The following CACNG3 variants were observed in gnomAD, a reference collection of about 807,000 sequenced individuals.
CACNG3 encodes the protein voltage-dependent calcium channel gamma-3 subunit.
A neutral mutation model predicts 28.5 loss-of-function variants in CACNG3; 3 were observed. The observed-to-expected ratio is 0.11, with a 90% CI of 0.05 to 0.27. The LOEUF (loss-of-function observed/expected upper bound fraction) is 0.27. Ranked by LOEUF, CACNG3 falls within the 10% of genes least tolerant of loss-of-function variation. The pLI, the probability that CACNG3 is intolerant of heterozygous loss-of-function variation, is 1.00. For missense variants in CACNG3, 236 were observed against 414.4 expected (o/e 0.57, Z 3.74); for synonymous variants, 174 against 162.2 (o/e 1.07, Z -0.55).
At chr16:24,309,952 A>G (rs547157312) in intron 1 of CACNG3, among the ~76,000 whole-genome samples, 1 of 152,260 alleles carries the variant, frequency 6.6e-6, no homozygotes, top group East Asian at 1.9e-4. Context: ...TTTAAATAGG[A>G]CAAAAAGCCA....
At chr16:24,317,680 GA>G (rs1899396687) in intron 1 of CACNG3, among the ~76,000 whole-genome samples, 2 of 102,256 alleles carry the variant, frequency 2.0e-5, no homozygotes, top group African/African-American at 8.6e-5. Flanking sequence ...AAGAAAGAAA[GA>G]AAGAAAGAAA....
intron 2 of CACNG3, among the ~76,000 whole-genome samples, chr16:24,353,268 C>T (rs1270078188): frequency 2.6e-5 from 4 of 152,246 alleles, no homozygotes; most frequent in Non-Finnish European, 5.9e-5. Flanking sequence ...AGCCACCATG[C>T]CTGGCTAGGC....
At chr16:24,282,838 C>A (rs1402661038) in intron 1 of CACNG3, among the ~76,000 whole-genome samples, 1 of 152,106 alleles carries the variant, frequency 6.6e-6, no homozygotes, top group East Asian at 1.9e-4. Context: ...TCTACACACT[C>A]TCTTTTGAAT....
At chr16:24,309,588 G>A (rs1000057010) in intron 1 of CACNG3, among the ~76,000 whole-genome samples, 7 of 152,222 alleles carry the variant, frequency 4.6e-5, no homozygotes, top group Admixed American at 1.3e-4. Flanking sequence ...GTACTTTCAT[G>A]CAGGGGTGCC....
chr16:24,300,898 A>C (rs1899100291), intron 1 of CACNG3, among the ~76,000 whole-genome samples: 1 of 152,024 alleles, frequency 6.6e-6, no homozygotes, highest in Admixed American at 6.6e-5. Flanking sequence ...AAAATACAAA[A>C]ATTAGCCGGA....
intron 1 of CACNG3, among the ~76,000 whole-genome samples, chr16:24,337,679 TA>T (rs1899730406): frequency 1.3e-5 from 2 of 151,278 alleles, no homozygotes; most frequent in African/African-American, 4.8e-5. Context: ...TAATAATTTT[TA>T]AATTAAAAAA....
chr16:24,257,663 T>C lies in CACNG3; in HGVS notation c.211+698T>C, dbSNP rs146659645. Among the ~76,000 whole-genome samples, 15 of 152,304 alleles carry C rather than the reference T, an allele frequency of 9.8e-5. No homozygotes were observed. The East Asian group carries it at 1.7e-3, about 18-fold the overall frequency. On this transcript the variant is annotated intron_variant, in intron 1 of 3. Transcript: ENST00000005284. ...GATCACAACAAAACTGAAGTCTTGG[T>C]ATTTTGTATCCACCTGTCTTCATTC... is the stretch of plus-strand genomic sequence containing the variant.
intron 1 of CACNG3, among the ~76,000 whole-genome samples, chr16:24,302,478 G>A (rs1185871858): frequency 6.6e-6 from 1 of 151,800 alleles, no homozygotes; most frequent in Admixed American, 6.6e-5. Context: ...TTTTTGAGAT[G>A]GAGTCTTGCT....
intron 1 of CACNG3, among the ~76,000 whole-genome samples, chr16:24,262,769 G>A (rs1332548646): frequency 1.9e-4 from 29 of 152,114 alleles, no homozygotes; most frequent in Admixed American, 1.9e-3. Flanking sequence ...ACCTGACTGT[G>A]GGATTCCACC....
At chr16:24,260,965 A>G (rs1898529026) in intron 1 of CACNG3, among the ~76,000 whole-genome samples, 1 of 152,246 alleles carries the variant, frequency 6.6e-6, no homozygotes, top group African/African-American at 2.4e-5. Flanking sequence ...AGTCCTGGAG[A>G]CAATCAAAGC....
Position 24,274,186 on chromosome 16 carries a change from C to CA in CACNG3, c.211+17235dup, listed in dbSNP as rs72368556. 5.8e-3 allele frequency among the ~76,000 whole-genome samples: 603 copies of CA among 103,232 alleles called. 2 individuals carry two copies. Among genetic ancestry groups the CA allele is most frequent in the African/African-American group, 8.3e-3 (217 of 26,200 alleles). The allele number at this position is 103,232 out of a possible 152,430, so 67.7% of individuals were successfully genotyped here. ...TGGGCGACAGTGCGAGACTCCATCT[C>CA]AAAAAAAAAAAAAACAAAAAAAAAA... On this transcript the variant is annotated intron_variant, in intron 1 of 3. Transcript: ENST00000005284.
chr16:24,313,089 A>AAGGAAGGAAGGG (rs1899296544), intron 1 of CACNG3, among the ~76,000 whole-genome samples: 1 of 151,412 alleles, frequency 6.6e-6, no homozygotes, highest in African/African-American at 2.4e-5. Context: ...GGAAGGAAGG[A>AAGGAAGGAAGGG]AGGAAGGAAG....
chr16:24,307,441 C>T (rs1026949226), intron 1 of CACNG3, among the ~76,000 whole-genome samples: 9 of 152,200 alleles, frequency 5.9e-5, no homozygotes, highest in East Asian at 3.9e-4. Context: ...CATCTTGACT[C>T]GAGTCTCCAC....
rs537725746 is a variant in CACNG3, at chr16:24,279,180, T to C, written c.211+22215T>C. On this transcript the variant is annotated intron_variant, in intron 1 of 3. Coordinates refer to ENST00000005284, the MANE Select transcript of CACNG3 (RefSeq NM_006539.4). The stretch of plus-strand genomic sequence containing the variant: ...ACTTTATTCTAGGGGAAACAGAAAT[T>C]CTTTGGAAAGATTAAAATAGAAAAT... Among the ~76,000 whole-genome samples the C allele has an allele frequency of 1.8e-4, 28 of 152,350 alleles. 1 individual carries two copies. In the South Asian group the frequency reaches 5.8e-3, roughly 32 times the overall value.
At chr16:24,289,669 G>A (rs1211147790) in intron 1 of CACNG3, among the ~76,000 whole-genome samples, 1 of 152,168 alleles carries the variant, frequency 6.6e-6, no homozygotes, top group Non-Finnish European at 1.5e-5. Flanking sequence ...GTCCATGAAG[G>A]TACCCCATTT....
chr16:24,340,772 C>T (rs1899775446), intron 1 of CACNG3, among the ~76,000 whole-genome samples: 2 of 152,168 alleles, frequency 1.3e-5, no homozygotes, highest in Admixed American at 6.5e-5. Context: ...AACCTCTTCC[C>T]GGGGTCCTGG....
At chr16:24,321,125 G>A (rs1193247967) in intron 1 of CACNG3, among the ~76,000 whole-genome samples, 1 of 152,156 alleles carries the variant, frequency 6.6e-6, no homozygotes, top group Admixed American at 6.6e-5. Flanking sequence ...CTTGTCCCAA[G>A]TATCCACACT....
intron 1 of CACNG3, among the ~76,000 whole-genome samples, chr16:24,317,614 G>GAA (rs761954538): frequency 3.0e-5 from 2 of 66,010 alleles, no homozygotes; most frequent in South Asian, 1.0e-3. Context: ...AAGAAAGAAA[G>GAA]AAAGAAAGAA....
At chr16:24,301,623 A>T (rs1899112795) in intron 1 of CACNG3, among the ~76,000 whole-genome samples, 1 of 151,544 alleles carries the variant, frequency 6.6e-6, no homozygotes, top group South Asian at 2.1e-4. Flanking sequence ...CTGACTCATG[A>T]CTCTCCCTCC....
Sources: gnomAD v4.1 joint callset for allele counts (sites outside exome capture counted in the v4.1 genomes callset) on GRCh38, gnomAD v4.1.1 for gene constraint, MANE v1.5 for transcripts, NCBI Gene and HGNC (gene_info 2026-07-23, HGNC 2026-07-21) for gene names.